Variants in AMPH observed in about 807,000 individuals in gnomAD.
The protein encoded by AMPH is amphiphysin (Stiff-Mann syndrome with breast cancer 128kD autoantigen).
AMPH carries 49 observed loss-of-function variants against 99.1 expected under a neutral mutation model. The ratio of observed to expected loss-of-function variants is 0.49; its 90% confidence interval spans 0.39 to 0.63. The LOEUF is 0.63. Among genes scored for constraint, AMPH ranks in the 20% least tolerant of loss-of-function variants. AMPH has a pLI of 0.00. For missense variants in AMPH, 759 were observed against 863.4 expected, an observed-to-expected ratio of 0.88 and a Z score of 1.52; for synonymous variants, 314 against 317.3, an observed-to-expected ratio of 0.99 and a Z score of 0.11.
At chr7:38,530,832 GA>G (rs1342689491) in intron 2 of AMPH, among the ~76,000 whole-genome samples, 1 of 152,186 alleles carries the variant, frequency 6.6e-6, no homozygotes, top group Non-Finnish European at 1.5e-5. Flanking sequence ...ATAGAACGGG[GA>G]AGAAAGGCCC....
intron 1 of AMPH, among the ~76,000 whole-genome samples, chr7:38,571,031 A>AATATATATATTCATATATATTC (rs1247118607): frequency 1.4e-4 from 2 of 13,844 alleles, no homozygotes; most frequent in African/African-American, 4.7e-4. Context: ...TCATATATTG[A>AATATATATATTCATATATATTC]ATATATATAG....
rs770260327 is a variant in AMPH, at chr7:38,534,973, G to A, written c.108C>T (p.Asp36=). 2.2e-5 allele frequency: 36 copies of A among 1,613,850 alleles called. 1 individual carries two copies. The Middle Eastern group carries it at 4.9e-4, about 22-fold the overall frequency. ...TCTGGACATATTCTTCGAACTGTTCGTCTTTTGTCTCATCAGCTTTCCCCA... is the reference window on the plus strand; with the variant it reads ...TCTGGACATATTCTTCGAACTGTTCATCTTTTGTCTCATCAGCTTTCCCCA... The part of the protein sequence containing the change: ...QKLGKADETK[D]EQFEEYVQNF... Residue 36 remains aspartate (D), a synonymous_variant, in exon 2 of 21, where the codon GAC becomes GAT. Transcript: ENST00000356264.
At chr7:38,429,283 C>G (rs1461060177) in intron 14 of AMPH, 2 of 1,286,270 alleles carry the variant, frequency 1.6e-6, no homozygotes, top group South Asian at 2.5e-5. Context: ...TCATTTCCAC[C>G]TGGAAAGGCT....
At chr7:38,535,128 C>T (rs1790550192) in intron 1 of AMPH, 117 bp from the exon 2 acceptor site, 2 of 795,724 alleles carry the variant, frequency 2.5e-6, no homozygotes, top group African/African-American at 1.8e-5. Context: ...GCAAAACTAT[C>T]AGCACTTCTA....
chr7:38,557,383 T>C (rs13245847), intron 1 of AMPH, among the ~76,000 whole-genome samples: 75,861 of 151,998 alleles, frequency 0.5, 19,377 homozygotes, highest in East Asian at 0.75. Flanking sequence ...GTGGAGATAA[T>C]TGAATCATCA....
At chr7:38,600,560 C>T (rs1793210563) in intron 1 of AMPH, among the ~76,000 whole-genome samples, 1 of 152,172 alleles carries the variant, frequency 6.6e-6, no homozygotes, top group Non-Finnish European at 1.5e-5. Flanking sequence ...TTATTACTTA[C>T]TGATTGGCTA....
At chr7:38,448,643 T>C (rs1562762486) in intron 11 of AMPH, among the ~76,000 whole-genome samples, 2 of 152,212 alleles carry the variant, frequency 1.3e-5, no homozygotes, top group Non-Finnish European at 2.9e-5. Flanking sequence ...TGGATCATGG[T>C]TGACCATGGG....
In AMPH at chr7:38,384,621, G is replaced by A. The variant is rs183553504; in HGVS notation, c.*197C>T. On this transcript the variant is annotated 3_prime_UTR_variant, in exon 21 of 21. Coordinates refer to ENST00000356264, the MANE Select transcript of AMPH (RefSeq NM_001635.4). ...CCTGTTATTGACAACATGGGAATGAGTGAGGATTTTTTCCTTAATTTACTT... is the reference window on the plus strand; with the variant it reads ...CCTGTTATTGACAACATGGGAATGAATGAGGATTTTTTCCTTAATTTACTT... 1.4e-5 allele frequency: 7 copies of A among 509,248 alleles called. No homozygotes were observed. The highest frequency in any genetic ancestry group is 5.7e-5 in the African/African-American group (3 of 52,734). 31.5% of individuals were successfully genotyped at this position (509,248 alleles called of 1,614,324 possible). A position where few individuals can be genotyped will look rare whatever the true frequency, so the allele number is the denominator to read the frequency against.
At chr7:38,491,903 G>C (rs974420719) in intron 4 of AMPH, among the ~76,000 whole-genome samples, 1 of 152,144 alleles carries the variant, frequency 6.6e-6, no homozygotes, top group Non-Finnish European at 1.5e-5. Flanking sequence ...CTCACCAGAG[G>C]ACTTTTTATC....
chr7:38,625,449 T>C (rs1584319811), intron 1 of AMPH, among the ~76,000 whole-genome samples: 1 of 152,098 alleles, frequency 6.6e-6, no homozygotes, highest in African/African-American at 2.4e-5. Flanking sequence ...AAAAGCTGCA[T>C]GAAAAACTTA....
At chr7:38,465,366 G>T in intron 9 of AMPH, 101 bp downstream of exon 9, 2 of 1,004,712 alleles carry the variant, frequency 2.0e-6, no homozygotes, top group Non-Finnish European at 2.9e-6. Context: ...AGGCTCCTGT[G>T]GGACTTTTGT....
rs186607289 is a variant in AMPH, at chr7:38,487,020, C to G, written c.396+4030G>C. ...CTTTCCACTGACATCAGAAACAAGACAAGGATGCCCACCCTCACCACTTCT... is the reference window on the plus strand; with the variant it reads ...CTTTCCACTGACATCAGAAACAAGAGAAGGATGCCCACCCTCACCACTTCT... On this transcript the variant is annotated intron_variant, in intron 5 of 20. Transcript: ENST00000356264. Among the ~76,000 whole-genome samples, 5 of 152,144 alleles carry G rather than the reference C, an allele frequency of 3.3e-5. No individual in the cohort carries two copies. The East Asian group carries it at 9.7e-4, about 29-fold the overall frequency.
At chr7:38,453,345 G>T (rs751745214) in intron 11 of AMPH, among the ~76,000 whole-genome samples, 2 of 152,162 alleles carry the variant, frequency 1.3e-5, no homozygotes, top group Non-Finnish European at 2.9e-5. Flanking sequence ...AGCAGCCTTG[G>T]GGTTATGCAT....
In AMPH at chr7:38,426,943, A is replaced by G. The variant is rs1413387907; in HGVS notation, c.1215+11T>C. The G allele has an allele frequency of 1.2e-6, 2 of 1,611,660 alleles. No homozygotes were observed. The highest frequency in any genetic ancestry group is 1.7e-6 in the Non-Finnish European group (2 of 1,178,268). On this transcript the variant is annotated intron_variant, in intron 15 of 20. Coordinates refer to ENST00000356264, the MANE Select transcript of AMPH (RefSeq NM_001635.4). ...CAGCAGATGGATCTTGTAAGAAAAC[A>G]GATTCCTTACCTGTGTGAATCCATT...
Position 38,384,581 on chromosome 7 carries a change from C to T in AMPH, c.*237G>A. Reference sequence around the variant, plus strand: ...AGTACAAGAGTCTCCACAGCTTGGACAAAGCACAAACAAACCTGTTATTGA... The same window carrying T: ...AGTACAAGAGTCTCCACAGCTTGGATAAAGCACAAACAAACCTGTTATTGA... On this transcript the variant is annotated 3_prime_UTR_variant, in exon 21 of 21. Coordinates refer to ENST00000356264, the MANE Select transcript of AMPH (RefSeq NM_001635.4). 2.4e-6 allele frequency: 1 copy of T among 424,848 alleles called. No homozygotes were observed. The highest frequency in any genetic ancestry group is 3.5e-5 in the South Asian group (1 of 28,806). The allele number at this position is 424,848 out of a possible 1,614,324, so 26.3% of individuals were successfully genotyped here.
intron 2 of AMPH, among the ~76,000 whole-genome samples, chr7:38,519,470 AGAGAAT>A (rs943207067): frequency 1.4e-5 from 1 of 69,892 alleles, no homozygotes; most frequent in Non-Finnish European, 3.6e-5. Context: ...TTATCCCATA[AGAGAAT>A]AGTCTTACTC....
Position 38,454,317 on chromosome 7 carries a change from C to T in AMPH, c.1017+6966G>A, listed in dbSNP as rs57928769. Among the ~76,000 whole-genome samples the T allele has an allele frequency of 9.0e-3, 1,364 of 152,162 alleles. 20 individuals are homozygous for T. Among genetic ancestry groups the T allele is most frequent in the African/African-American group, 0.031 (1,269 of 41,510 alleles). On this transcript the variant is annotated intron_variant, in intron 11 of 20. Transcript: ENST00000356264. ...ATTATTAATATGATGTGATTATAAT[C>T]GGCATATTACGCATAGTGTAGTGAT...
chr7:38,433,873 G>A (rs1786151270), intron 12 of AMPH, among the ~76,000 whole-genome samples: 2 of 152,074 alleles, frequency 1.3e-5, no homozygotes, highest in Non-Finnish European at 2.9e-5. Flanking sequence ...ATGAAAGGAT[G>A]CGTTAGCGTG....
chr7:38,395,557 C>G (rs1784644624), intron 17 of AMPH, among the ~76,000 whole-genome samples: 1 of 152,206 alleles, frequency 6.6e-6, no homozygotes, highest in African/African-American at 2.4e-5. Flanking sequence ...ATCAGCTTGG[C>G]AGACTTGATT....
Sources: allele counts gnomAD v4.1 joint callset (sites outside exome capture counted in the v4.1 genomes callset), GRCh38; gene constraint gnomAD v4.1.1; transcripts MANE v1.5; gene names NCBI Gene and HGNC (gene_info 2026-07-23, HGNC 2026-07-21).